Variants in NKTR observed in about 807,000 individuals in gnomAD.
NKTR encodes natural killer cell triggering receptor, also known as NK-tumor recognition protein.
A neutral mutation model predicts 156.3 loss-of-function variants in NKTR; 67 were observed. That is an observed-to-expected ratio of 0.43 (90% CI 0.35 to 0.53). NKTR has a LOEUF of 0.53. NKTR is among the 20% of genes least tolerant of loss of function. The pLI, the probability that NKTR is intolerant of heterozygous loss-of-function variation, is 0.01. For synonymous variants in NKTR, 640 were observed against 596.6 expected (o/e 1.07, Z -1.06); for missense variants, 1,604 against 1,730.9 (o/e 0.93, Z 1.30).
chr3:42,617,164 CAAT>C (rs1420852581), intron 2 of NKTR, among the ~76,000 whole-genome samples: 1 of 152,130 alleles, frequency 6.6e-6, no homozygotes, highest in Non-Finnish European at 1.5e-5. Context: ...TGTTTCTTAA[CAAT>C]ACTGGCCAGA....
intron 12 of NKTR, 82 bp downstream of exon 12, chr3:42,635,448 C>G: frequency 9.2e-7 from 1 of 1,087,582 alleles, no homozygotes; most frequent in Non-Finnish European, 1.3e-6. Context: ...CTGGACTTTT[C>G]ATTAAAGATT....
At chr3:42,626,318 G>A (rs941754027) in intron 6 of NKTR, among the ~76,000 whole-genome samples, 2 of 151,756 alleles carry the variant, frequency 1.3e-5, no homozygotes, top group Admixed American at 6.6e-5. Context: ...CTCTTATAAA[G>A]CATTTTGTTC....
Position 42,612,640 on chromosome 3 carries a change from A to G in NKTR, c.59-4930A>G, listed in dbSNP as rs9832720. Among the ~76,000 whole-genome samples the G allele has an allele frequency of 6.3e-3, 957 of 152,198 alleles. 9 individuals are homozygous for G. Among genetic ancestry groups the G allele is most frequent in the African/African-American group, 0.022 (910 of 41,500 alleles). On this transcript the variant is annotated intron_variant, in intron 2 of 16. Coordinates refer to ENST00000232978, the MANE Select transcript of NKTR (RefSeq NM_005385.4). ...TAATTTTTTGACTTATATCTCAGGG[A>G]TATGTATTCAAATAGATATTTCAGG...
chr3:42,619,946 T>C, intron 5 of NKTR: 1 of 1,508,384 alleles, frequency 6.6e-7, no homozygotes, highest in Non-Finnish European at 8.8e-7. Flanking sequence ...AGCATGGAGG[T>C]TAGGCAACTA....
chr3:42,626,216 TTA>T (rs1393768860), intron 6 of NKTR, among the ~76,000 whole-genome samples: 1 of 151,898 alleles, frequency 6.6e-6, no homozygotes, highest in Non-Finnish European at 1.5e-5. Context: ...ATTTCAAACA[TTA>T]TGTTCTTTTT....
chr3:42,638,440 T>C lies in NKTR; in HGVS notation c.2736T>C (p.Gly912=). 6.2e-7 allele frequency: 1 copy of C among 1,613,010 alleles called. No homozygotes were observed. The highest frequency in any genetic ancestry group is 8.5e-7 in the Non-Finnish European group (1 of 1,179,706). Residue 912 remains glycine, a synonymous_variant, in exon 13 of 17, where the codon GGT becomes GGC. Transcript: ENST00000232978. ...DSHPSSDKEE[G]EATSDSESEV... ...ATCCATCCTCTGACAAGGAAGAAGG[T>C]GAGGCCACATCCGATTCTGAATCAG...
Position 42,648,489 on chromosome 3 carries a change from T to TA in NKTR, c.*2514_*2515insA. Reference sequence around the variant, plus strand: ...AATAGCTTTTCTTCCTAAAGGGGATTGTTCTACATTTTGAAGTTATTTTTT... The same window carrying TA: ...AATAGCTTTTCTTCCTAAAGGGGATTAGTTCTACATTTTGAAGTTATTTTTT... On this transcript the variant is annotated 3_prime_UTR_variant, in exon 17 of 17. Coordinates refer to ENST00000232978, the MANE Select transcript of NKTR (RefSeq NM_005385.4). The TA allele has an allele frequency of 1.3e-5, 2 of 152,680 alleles. 1 individual carries two copies. The highest frequency in any genetic ancestry group is 4.1e-4 in the South Asian group (2 of 4,828). 9.5% of individuals were successfully genotyped at this position (152,680 alleles called of 1,614,324 possible).
intron 13 of NKTR, among the ~76,000 whole-genome samples, chr3:42,641,138 C>G (rs1364606126): frequency 5.9e-5 from 9 of 152,198 alleles, no homozygotes; most frequent in Non-Finnish European, 1.5e-5. Flanking sequence ...CCCTGCCTCC[C>G]TGTTTTGGTT....
intron 6 of NKTR, chr3:42,630,209 G>C (rs1708764402): frequency 9.3e-7 from 1 of 1,075,896 alleles, no homozygotes; most frequent in Non-Finnish European, 1.1e-6. Context: ...TAAGTGTTTT[G>C]TTTTGTTGTT....
At position 42,638,962 on chromosome 3, in the gene NKTR, T is replaced by C. The variant is rs1166439004; in HGVS notation, c.3258T>C (p.Asp1086=). The C allele has an allele frequency of 6.2e-7, 1 of 1,613,554 alleles. No individual in the cohort carries two copies. Among genetic ancestry groups the C allele is most frequent in the East Asian group, 2.2e-5 (1 of 44,894 alleles). Residue 1086 remains aspartate (D), a synonymous_variant, in exon 13 of 17, where the codon GAT becomes GAC. Coordinates refer to ENST00000232978, the MANE Select transcript of NKTR (RefSeq NM_005385.4). ...ATCTTGATCAGTTTACTAAAGATGA[T>C]AGTAAACTCAGTATTTCTCCCACAG... ...SSDLDQFTKD[D]SKLSISPTAL...
Position 42,638,410 on chromosome 3 carries a change from C to T in NKTR, c.2706C>T (p.Asp902=). Residue 902 remains aspartate (D), a synonymous_variant, in exon 13 of 17, where the codon GAC becomes GAT. Coordinates refer to ENST00000232978, the MANE Select transcript of NKTR (RefSeq NM_005385.4). ...ATGTCACTAAAAACAGTAAAAATGA[C>T]TCCCATCCATCCTCTGACAAGGAAG... ...ERDVTKNSKN[D]SHPSSDKEEG... is the part of the protein sequence containing the mutation. The T allele has an allele frequency of 6.2e-7, 1 of 1,613,894 alleles. No individual in the cohort carries two copies. Among genetic ancestry groups the T allele is most frequent in the South Asian group, 1.1e-5 (1 of 90,988 alleles).
chr3:42,603,025 C>CAAA (rs35896209), intron 2 of NKTR: 4 of 102,758 alleles, frequency 3.9e-5, no homozygotes, highest in Admixed American at 1.1e-4. Context: ...GACCCTGTCT[C>CAAA]AAAAAAAAAA....
In NKTR at chr3:42,611,916, C is replaced by T. The variant is rs3774403; in HGVS notation, c.59-5654C>T. Among the ~76,000 whole-genome samples, 67 of 152,112 alleles carry T rather than the reference C, an allele frequency of 4.4e-4. No homozygotes were observed. The East Asian group carries it at 0.011, about 25-fold the overall frequency. On this transcript the variant is annotated intron_variant, in intron 2 of 16. Coordinates refer to ENST00000232978, the MANE Select transcript of NKTR (RefSeq NM_005385.4). ...CTGAAATTATTTTTACCCTGGGCAA[C>T]ATAGTGAGACCTTGTCTCAACAAAA...
At chr3:42,619,374 A>G in intron 4 of NKTR, 4 of 1,187,498 alleles carry the variant, frequency 3.4e-6, no homozygotes, top group South Asian at 1.9e-5. Flanking sequence ...GAATTCCTTT[A>G]CAATGAATGC....
rs1053751938 is a variant in NKTR at position 42,637,633 on chromosome 3, G to A, written c.1929G>A (p.Leu643=). The change falls in exon 13 of 17, where the codon TTG becomes TTA. Residue 643 remains leucine (L), a synonymous_variant. Transcript: ENST00000232978. ...IQEMKAKTTH[L]LPIQSTYSLA... ...AAATGAAAGCTAAAACAACCCATTT[G>A]CTACCCATCCAAAGCACTTACAGTT... 3.1e-6 allele frequency: 5 copies of A among 1,611,424 alleles called. No homozygotes were observed. The highest frequency in any genetic ancestry group is 3.4e-6 in the Non-Finnish European group (4 of 1,179,396).
At chr3:42,640,881 A>G (rs1296674894) in intron 13 of NKTR, among the ~76,000 whole-genome samples, 1 of 152,018 alleles carries the variant, frequency 6.6e-6, no homozygotes, top group Non-Finnish European at 1.5e-5. Flanking sequence ...CTGTTGATAG[A>G]TGCAGTTGCC....
intron 15 of NKTR, 56 bp from the exon 16 acceptor site, chr3:42,643,846 G>A: frequency 8.2e-7 from 1 of 1,225,784 alleles, no homozygotes; most frequent in Non-Finnish European, 1.2e-6. Flanking sequence ...AAAGAAATAG[G>A]AACATATGAG....
intron 5 of NKTR, chr3:42,621,105 A>G: frequency 2.0e-6 from 2 of 988,054 alleles, no homozygotes; most frequent in Non-Finnish European, 1.2e-6. Context: ...AGATTTTTCT[A>G]AAATTTTATT....
At chr3:42,600,937 C>G (rs1705346141) in intron 1 of NKTR, 47 bp from the exon 2 acceptor site, 2 of 1,255,082 alleles carry the variant, frequency 1.6e-6, no homozygotes, top group East Asian at 3.1e-5. Flanking sequence ...TGCCCTCGCC[C>G]CCGCCCTCGC....
Sources: allele counts gnomAD v4.1 joint callset (sites outside exome capture counted in the v4.1 genomes callset), GRCh38; gene constraint gnomAD v4.1.1; transcripts MANE v1.5; gene names NCBI Gene and HGNC (gene_info 2026-07-23, HGNC 2026-07-21).